CNR2: variants seen among roughly 807,000 people sequenced by gnomAD.
The protein encoded by CNR2 is cannabinoid receptor 2.
For synonymous variants in CNR2, 172 were observed against 182.2 expected, an observed-to-expected ratio of 0.94 and a Z score of 0.45; for missense variants, 379 against 439.9, an observed-to-expected ratio of 0.86 and a Z score of 1.24.
chr1:23,872,447 G>A lies in CNR2; in HGVS notation c.*2088C>T, dbSNP rs1443934510. The A allele has an allele frequency of 1.3e-5, 2 of 151,976 alleles. No individual in the cohort carries two copies. The highest frequency in any genetic ancestry group is 6.6e-5 in the Admixed American group (1 of 15,236). 9.4% of individuals were successfully genotyped at this position (151,976 alleles called of 1,614,324 possible). ...AAAATGGAGTATATTGAGAATCTAC[G>A]ATGAGTTAACTTTGCAGCAATCTGA... On this transcript the variant is annotated 3_prime_UTR_variant, in exon 2 of 2. Transcript: ENST00000374472.
At chr1:23,910,654 C>CAAAAAAAAAAA (rs34083515) in intron 1 of CNR2, among the ~76,000 whole-genome samples, 3 of 32,176 alleles carry the variant, frequency 9.3e-5, no homozygotes, top group African/African-American at 3.4e-4. Context: ...AACGCTGTCT[C>CAAAAAAAAAAA]AAAAAAAAAA....
At chr1:23,909,053 C>G (rs547903130) in intron 1 of CNR2, among the ~76,000 whole-genome samples, 2 of 151,974 alleles carry the variant, frequency 1.3e-5, no homozygotes, top group African/African-American at 4.8e-5. Flanking sequence ...TGAAGCTCAC[C>G]GGACACCGAA....
At chr1:23,885,645 T>C (rs76862926) in intron 1 of CNR2, among the ~76,000 whole-genome samples, 109,701 of 150,526 alleles carry the variant, frequency 0.73, 40,591 homozygotes, top group Middle Eastern at 0.81. Flanking sequence ...TCTGGGAGGC[T>C]GAAGCAGGTG....
At position 23,871,526 on chromosome 1, in the gene CNR2, C is replaced by G. The variant is rs1639765742; in HGVS notation, c.*3009G>C. 6.6e-6 allele frequency: 1 copy of G among 152,220 alleles called. No homozygotes were observed. The allele number at this position is 152,220 out of a possible 1,614,324, so 9.4% of individuals were successfully genotyped here. A position where few individuals can be genotyped will look rare whatever the true frequency, so the allele number is the denominator to read the frequency against. On this transcript the variant is annotated 3_prime_UTR_variant, in exon 2 of 2. Coordinates refer to ENST00000374472, the MANE Select transcript of CNR2 (RefSeq NM_001841.3). ...TTTTCAGAAACAGTTCAGTTCCACACATATTGACCAGATCCCTTCAGATGC... is the reference window on the plus strand; with the variant it reads ...TTTTCAGAAACAGTTCAGTTCCACAGATATTGACCAGATCCCTTCAGATGC...
rs2229579 is a variant in CNR2, at chr1:23,874,672, G to T, written c.946C>A (p.His316Asn). 5 of 1,613,964 alleles carry T rather than the reference G, an allele frequency of 3.1e-6. No homozygotes were observed. The African/African-American group carries it at 5.3e-5, about 17-fold the overall frequency. ...IRSSAHHCLA[H>N]WKKCVRGLGS... ...AGGCCCCTCACACACTTCTTCCAGT[G>T]AGCCAGGCAGTGATGGGCAGAGGAG... The change falls in exon 2 of 2, where the codon CAC (histidine) becomes AAC (asparagine). Residue 316 changes from histidine to asparagine, a missense_variant. Physicochemically the swap from His to Asn is moderately conservative, Grantham distance 68. Coordinates refer to ENST00000374472, the MANE Select transcript of CNR2 (RefSeq NM_001841.3).
At position 23,872,132 on chromosome 1, in the gene CNR2, C is replaced by CAAAAAAAAAAAAAAA. The variant is rs60331310; in HGVS notation, c.*2388_*2402dup. The CAAAAAAAAAAAAAAA allele has an allele frequency of 2.2e-5, 1 of 46,418 alleles. No individual in the cohort carries two copies. Among genetic ancestry groups the CAAAAAAAAAAAAAAA allele is most frequent in the African/African-American group, 8.1e-5 (1 of 12,314 alleles). 2.9% of individuals were successfully genotyped at this position (46,418 alleles called of 1,614,324 possible). The stretch of plus-strand genomic sequence containing the variant: ...TGGACAACAGAATGAGATTCCGTCT[C>CAAAAAAAAAAAAAAA]AAAAAAAAAAAAAAAAAAAAAAAAG... On this transcript the variant is annotated 3_prime_UTR_variant, in exon 2 of 2. Transcript: ENST00000374472.
At chr1:23,906,822 G>A (rs6658495) in intron 1 of CNR2, among the ~76,000 whole-genome samples, 134,212 of 151,266 alleles carry the variant, frequency 0.89, 61,658 homozygotes, top group East Asian at 1. Flanking sequence ...AATCTAGGAG[G>A]TCAAGGCTGC....
chr1:23,878,044 G>T (rs1388400573), intron 1 of CNR2, among the ~76,000 whole-genome samples: 1 of 152,116 alleles, frequency 6.6e-6, no homozygotes, highest in African/African-American at 2.4e-5. Flanking sequence ...ACAAGAAAGA[G>T]AAGTTAAGAG....
chr1:23,902,502 T>TCAG lies in CNR2; in HGVS notation c.-46+10743_-46+10744insCTG. ...CGCTTCCAGATCGATCTCATCACTG[T>TCAG]ACACGTACTTTAATAGGATCAGAAA... On this transcript the variant is annotated intron_variant, in intron 1 of 1. Coordinates refer to ENST00000374472, the MANE Select transcript of CNR2 (RefSeq NM_001841.3). 1.9e-6 allele frequency: 3 copies of TCAG among 1,607,498 alleles called. No individual in the cohort carries two copies. The East Asian group carries it at 6.7e-5, about 36-fold the overall frequency.
At chr1:23,899,246 AT>A (rs2148468013) in intron 1 of CNR2, among the ~76,000 whole-genome samples, 1 of 152,274 alleles carries the variant, frequency 6.6e-6, no homozygotes, top group East Asian at 1.9e-4. Context: ...TCAGACTCAT[AT>A]ATCTGGTGCC....
chr1:23,874,487 A>C lies in CNR2; in HGVS notation c.*48T>G, dbSNP rs1050831547. 2 of 1,566,700 alleles carry C rather than the reference A, an allele frequency of 1.3e-6. No individual in the cohort carries two copies. The highest frequency in any genetic ancestry group is 1.4e-5 in the African/African-American group (1 of 73,332). ...CAAGACCCCTCTCTCTCTTCCAGGG[A>C]GTGAACTGATTTCTGACTTGAGTTG... On this transcript the variant is annotated 3_prime_UTR_variant, in exon 2 of 2. Coordinates refer to ENST00000374472, the MANE Select transcript of CNR2 (RefSeq NM_001841.3).
At chr1:23,910,161 A>G (rs1035725834) in intron 1 of CNR2, among the ~76,000 whole-genome samples, 8 of 117,900 alleles carry the variant, frequency 6.8e-5, no homozygotes, top group African/African-American at 2.6e-4. Context: ...GGGTCTCACT[A>G]TGTTTCCTAG....
chr1:23,871,133 T>C lies in CNR2; in HGVS notation c.*3402A>G, dbSNP rs1483897666. The C allele has an allele frequency of 2.6e-5, 3 of 115,672 alleles. No individual in the cohort carries two copies. Among genetic ancestry groups the C allele is most frequent in the Non-Finnish European group, 4.9e-5 (3 of 61,716 alleles). The allele number at this position is 115,672 out of a possible 1,614,324, so 7.2% of individuals were successfully genotyped here. On this transcript the variant is annotated 3_prime_UTR_variant, in exon 2 of 2. Coordinates refer to ENST00000374472, the MANE Select transcript of CNR2 (RefSeq NM_001841.3). Reference sequence around the variant, plus strand: ...GCATGCCACTGCACTCCAACCTGGGTGACAGAGTGAGATTCTATGTCAAAA... The same window carrying C: ...GCATGCCACTGCACTCCAACCTGGGCGACAGAGTGAGATTCTATGTCAAAA...
intron 1 of CNR2, among the ~76,000 whole-genome samples, chr1:23,879,772 A>T (rs1359142259): frequency 6.6e-6 from 1 of 152,032 alleles, no homozygotes; most frequent in Non-Finnish European, 1.5e-5. Context: ...TATCTGGTTT[A>T]TTGCAATAGC....
At chr1:23,886,391 C>T (rs548886999) in intron 1 of CNR2, among the ~76,000 whole-genome samples, 9 of 152,154 alleles carry the variant, frequency 5.9e-5, no homozygotes, top group South Asian at 2.1e-4. Context: ...TTCTATCTGT[C>T]GAAAGGGAAG....
chr1:23,900,811 A>C (rs7525246), intron 1 of CNR2, among the ~76,000 whole-genome samples: 1 of 152,112 alleles, frequency 6.6e-6, no homozygotes, highest in African/African-American at 2.4e-5. Flanking sequence ...TGGCCTCCCT[A>C]ATCTCATTTT....
chr1:23,900,432 C>T (rs2148468776), intron 1 of CNR2, among the ~76,000 whole-genome samples: 1 of 152,058 alleles, frequency 6.6e-6, no homozygotes, highest in African/African-American at 2.4e-5. Context: ...CAAGGTGAAC[C>T]CCTAGAGGCT....
chr1:23,879,097 A>G (rs1398037246), intron 1 of CNR2, among the ~76,000 whole-genome samples: 1 of 152,182 alleles, frequency 6.6e-6, no homozygotes, highest in Non-Finnish European at 1.5e-5. Context: ...TAAAACAACA[A>G]TGATAATAGT....
chr1:23,902,606 G>T, intron 1 of CNR2: 1 of 1,603,180 alleles, frequency 6.2e-7, no homozygotes, highest in Non-Finnish European at 8.5e-7. Flanking sequence ...CATAGAAGAC[G>T]GAGCTGCAGA....
Sources: gnomAD v4.1 joint callset for allele counts (sites outside exome capture counted in the v4.1 genomes callset) on GRCh38, gnomAD v4.1.1 for gene constraint, MANE v1.5 for transcripts, NCBI Gene and HGNC (gene_info 2026-07-23, HGNC 2026-07-21) for gene names.